The following ATAT1 variants were observed in gnomAD, a reference collection of about 807,000 sequenced individuals.
ATAT1 encodes alpha-tubulin N-acetyltransferase 1.
A neutral mutation model predicts 57.2 loss-of-function variants in ATAT1; 42 were observed. That is an observed-to-expected ratio of 0.73 (90% CI 0.57 to 0.95). ATAT1 has a LOEUF of 0.95. Among genes scored for constraint, ATAT1 ranks in the 40% least tolerant of loss-of-function variants. The probability of loss-of-function intolerance (pLI) is 0.00; values close to 1 mark genes in which losing one functional copy is unlikely to be tolerated. For synonymous variants in ATAT1, 168 were observed against 187.1 expected, an observed-to-expected ratio of 0.90 and a Z score of 0.83; for missense variants, 454 against 523.7, an observed-to-expected ratio of 0.87 and a Z score of 1.30.
chr6:30,632,075 G>A (rs893222460), intron 6 of ATAT1, among the ~76,000 whole-genome samples: 3 of 151,728 alleles, frequency 2.0e-5, no homozygotes, highest in Admixed American at 6.6e-5. Context: ...TTGGGAGGCC[G>A]AGGTAGGTGG....
chr6:30,639,723 C>A (rs9262131), intron 6 of ATAT1, among the ~76,000 whole-genome samples: 1 of 151,112 alleles, frequency 6.6e-6, no homozygotes, highest in Non-Finnish European at 1.5e-5. Context: ...ATGATCCGCC[C>A]GCCTCGGCCT....
chr6:30,636,824 T>C (rs1764204116), intron 6 of ATAT1, among the ~76,000 whole-genome samples: 1 of 151,828 alleles, frequency 6.6e-6, no homozygotes, highest in South Asian at 2.1e-4. Flanking sequence ...TGTTTGTTTG[T>C]ATTTTGAGAT....
intron 1 of ATAT1, 28 bp from the exon 2 acceptor site, chr6:30,627,432 T>A: frequency 6.2e-7 from 1 of 1,608,692 alleles, no homozygotes; most frequent in Non-Finnish European, 8.5e-7. Context: ...AGTGAGTATC[T>A]GACTCTTTAT....
At chr6:30,639,519 C>T (rs1764937661) in intron 6 of ATAT1, among the ~76,000 whole-genome samples, 1 of 151,242 alleles carries the variant, frequency 6.6e-6, no homozygotes, top group Admixed American at 6.6e-5. Flanking sequence ...CTCCATCGCC[C>T]AGGCTGGAGT....
At chr6:30,636,714 C>T (rs1486069913) in intron 6 of ATAT1, among the ~76,000 whole-genome samples, 1 of 152,032 alleles carries the variant, frequency 6.6e-6, no homozygotes, top group African/African-American at 2.4e-5. Flanking sequence ...GTAGACATTA[C>T]AACAAGGTCA....
At chr6:30,635,511 T>C (rs955340629) in intron 6 of ATAT1, among the ~76,000 whole-genome samples, 1 of 151,086 alleles carries the variant, frequency 6.6e-6, no homozygotes, top group Non-Finnish European at 1.5e-5. Flanking sequence ...ATCACTTGAA[T>C]CTGGGAGGTG....
Position 30,646,052 on chromosome 6 carries a change from C to T in ATAT1, c.1013-15C>T, listed in dbSNP as rs775465991. 6.2e-7 allele frequency: 1 copy of T among 1,610,720 alleles called. No individual in the cohort carries two copies. Among genetic ancestry groups the T allele is most frequent in the Non-Finnish European group, 8.5e-7 (1 of 1,178,376 alleles). On this transcript the variant is annotated splice_polypyrimidine_tract_variant and intron_variant, in intron 11 of 12. Transcript: ENST00000330083. ...TACTCCTGCCTTCCCATTCACATGC[C>T]TGATATTTCCACAGGCAACCAAGAC...
intron 1 of ATAT1, 73 bp from the exon 2 acceptor site, chr6:30,627,387 G>C: frequency 6.2e-7 from 1 of 1,602,304 alleles, no homozygotes; most frequent in Non-Finnish European, 8.5e-7. Flanking sequence ...TGTGGCCCAG[G>C]TTCCCAGGAC....
At chr6:30,641,936 G>C in intron 8 of ATAT1, 8 of 1,330,692 alleles carry the variant, frequency 6.0e-6, no homozygotes, top group Non-Finnish European at 6.7e-6. Context: ...TCTCCCCTTC[G>C]ATCTTTCTCC....
At position 30,642,812 on chromosome 6, in the gene ATAT1, C is replaced by G. The variant is rs749909059; in HGVS notation, c.733C>G (p.Pro245Ala). 8 of 1,611,880 alleles carry G rather than the reference C, an allele frequency of 5.0e-6. No individual in the cohort carries two copies. The South Asian group carries it at 6.6e-5, about 13-fold the overall frequency. ...GCCTCCTTGGCCCCTAAACAGGGCCCCTCGCCGCGCCACACCTCCAGCCCA... is the reference window on the plus strand; with the variant it reads ...GCCTCCTTGGCCCCTAAACAGGGCCGCTCGCCGCGCCACACCTCCAGCCCA... Residue 245 changes from proline to alanine, a missense_variant, in exon 10 of 13, where the codon CCT (proline) becomes GCT (alanine). By Grantham distance (27) the Pro-to-Ala change is conservative. Coordinates refer to ENST00000330083, the MANE Select transcript of ATAT1 (RefSeq NM_001031722.4).
At chr6:30,646,288 A>G in intron 12 of ATAT1, 179 bp downstream of exon 12, 1 of 1,451,646 alleles carries the variant, frequency 6.9e-7, no homozygotes, top group Non-Finnish European at 9.1e-7. Context: ...CAACTCTGGT[A>G]CTTCCCTTTG....
intron 10 of ATAT1, chr6:30,644,353 C>G: frequency 1.0e-6 from 1 of 985,736 alleles, no homozygotes; most frequent in Non-Finnish European, 1.2e-6. Context: ...AGCTAGGTCC[C>G]GATATACTCC....
At chr6:30,643,438 T>C in intron 10 of ATAT1, 2 of 1,535,728 alleles carry the variant, frequency 1.3e-6, no homozygotes, top group Non-Finnish European at 1.8e-6. Flanking sequence ...TTCTCTCCCT[T>C]TCTCTTCACC....
chr6:30,642,604 C>G (rs1246930065), intron 9 of ATAT1, among the ~76,000 whole-genome samples, 164 bp from the exon 10 acceptor site: 1 of 151,138 alleles, frequency 6.6e-6, no homozygotes, highest in Non-Finnish European at 1.5e-5. Context: ...GATCGTGCCA[C>G]TGCACTCCAG....
chr6:30,646,728 T>C lies in ATAT1; in HGVS notation c.*85T>C. On this transcript the variant is annotated 3_prime_UTR_variant, in exon 13 of 13. Coordinates refer to ENST00000330083, the MANE Select transcript of ATAT1 (RefSeq NM_001031722.4). Reference sequence around the variant, plus strand: ...AAGCCCAACCCTCATAATAGATGGATACATTCATTCATTCATTCATTCAGC... The same window carrying C: ...AAGCCCAACCCTCATAATAGATGGACACATTCATTCATTCATTCATTCAGC... The C allele has an allele frequency of 7.1e-7, 1 of 1,408,194 alleles. No individual in the cohort carries two copies. The highest frequency in any genetic ancestry group is 9.3e-7 in the Non-Finnish European group (1 of 1,069,816). The allele number at this position is 1,408,194 out of a possible 1,614,324, so 87.2% of individuals were successfully genotyped here.
Position 30,627,476 on chromosome 6 carries a change from C to A in ATAT1, c.88C>A (p.Gln30Lys). ...TTTCTCTAGTGTTGATCTACAGCAG[C>A]AAATTATGACCATTATAGATGAACT... Residue 30 changes from glutamine to lysine, a missense_variant, in exon 2 of 13, where the codon CAA becomes AAA. Physicochemically the swap from Gln to Lys is moderately conservative, Grantham distance 53. Transcript: ENST00000330083. 6 of 1,613,566 alleles carry A rather than the reference C, an allele frequency of 3.7e-6. No homozygotes were observed. The highest frequency in any genetic ancestry group is 5.1e-6 in the Non-Finnish European group (6 of 1,179,758).
At chr6:30,639,318 T>C (rs1333786953) in intron 6 of ATAT1, among the ~76,000 whole-genome samples, 1 of 151,844 alleles carries the variant, frequency 6.6e-6, no homozygotes, top group Non-Finnish European at 1.5e-5. Flanking sequence ...CATTTGTGTA[T>C]CTTCTTTAGA....
In ATAT1 at chr6:30,626,906, G is replaced by C. The variant is rs1761770995; in HGVS notation, c.-298G>C. ...GGGCCATGGAGTTCCCGTTCGATGT[G>C]GACGCGCTGTTCCCGGAGCGGATCA... On this transcript the variant is annotated 5_prime_UTR_variant, in exon 1 of 13. Coordinates refer to ENST00000330083, the MANE Select transcript of ATAT1 (RefSeq NM_001031722.4). The C allele has an allele frequency of 1.9e-6, 3 of 1,608,600 alleles. No individual in the cohort carries two copies. Among genetic ancestry groups the C allele is most frequent in the Non-Finnish European group, 8.5e-7 (1 of 1,178,396 alleles).
chr6:30,634,320 G>A (rs934389913), intron 6 of ATAT1, among the ~76,000 whole-genome samples: 2 of 151,590 alleles, frequency 1.3e-5, no homozygotes, highest in African/African-American at 4.8e-5. Flanking sequence ...GTGCGATCTT[G>A]GCTCACCGCA....
Sources: gnomAD v4.1 joint callset for allele counts (sites outside exome capture counted in the v4.1 genomes callset) on GRCh38, gnomAD v4.1.1 for gene constraint, MANE v1.5 for transcripts, NCBI Gene and HGNC (gene_info 2026-07-23, HGNC 2026-07-21) for gene names.